Variants in TBXAS1 observed in about 807,000 individuals in gnomAD.
TBXAS1 encodes the protein thromboxane A synthase 1, also known as thromboxane-A synthase.
Under a neutral mutation model 60.7 loss-of-function variants are expected in TBXAS1, and 48 were observed. The observed-to-expected ratio is 0.79, with a 90% CI of 0.63 to 1.01. The LOEUF (loss-of-function observed/expected upper bound fraction) is 1.01. Among genes scored for constraint, TBXAS1 ranks in the 50% least tolerant of loss-of-function variants. The pLI, the probability that TBXAS1 is intolerant of heterozygous loss-of-function variation, is 0.00. For synonymous variants in TBXAS1, 287 were observed against 269.7 expected (o/e 1.06, Z -0.63); for missense variants, 685 against 686.3 (o/e 1.00, Z 0.02).
chr7:139,971,986 T>C (rs1284717953), intron 9 of TBXAS1, among the ~76,000 whole-genome samples: 1 of 152,100 alleles, frequency 6.6e-6, no homozygotes, highest in East Asian at 1.9e-4. Context: ...AGCCTGTAAG[T>C]GCACACAGCA....
In TBXAS1 at chr7:140,012,502, G is replaced by A. The variant is rs370086495; in HGVS notation, c.1227-3221G>A. 1.7e-4 allele frequency among the ~76,000 whole-genome samples: 25 copies of A among 149,084 alleles called. No homozygotes were observed. In the South Asian group the frequency reaches 4.7e-3, roughly 28 times the overall value. On this transcript the variant is annotated intron_variant, in intron 10 of 12. Transcript: ENST00000448866. Reference sequence around the variant, plus strand: ...TTTTGAGACGGAGTCTCGCTCTGTCGCTCAGGTGTACAGTGGTGCGATCTC... The same window carrying A: ...TTTTGAGACGGAGTCTCGCTCTGTCACTCAGGTGTACAGTGGTGCGATCTC...
Position 139,981,873 on chromosome 7 carries a change from AT to A in TBXAS1, c.1134+19647del, listed in dbSNP as rs555436370. 2.5e-3 allele frequency among the ~76,000 whole-genome samples: 379 copies of A among 152,304 alleles called. 3 individuals are homozygous for A. The highest frequency in any genetic ancestry group is 8.4e-3 in the African/African-American group (347 of 41,556). On this transcript the variant is annotated intron_variant, in intron 9 of 12. Transcript: ENST00000448866. ...AGAAAACTCTTATCAGAAAGATGTCATTTTTTTCCCCTAAATGTCATATATA... is the reference window on the plus strand; with the variant it reads ...AGAAAACTCTTATCAGAAAGATGTCATTTTTTCCCCTAAATGTCATATATA...
chr7:139,971,600 C>T (rs1811201467), intron 9 of TBXAS1, among the ~76,000 whole-genome samples: 3 of 152,108 alleles, frequency 2.0e-5, no homozygotes, highest in Admixed American at 6.5e-5. Context: ...CAAGACCTTC[C>T]TCTGCCCCTA....
intron 3 of TBXAS1, among the ~76,000 whole-genome samples, chr7:139,892,789 G>T (rs1277903106): frequency 6.6e-6 from 1 of 152,152 alleles, no homozygotes; most frequent in Non-Finnish European, 1.5e-5. Flanking sequence ...GCATCTTGGG[G>T]AGTCTGCCGA....
At chr7:139,877,324 C>T (rs982977865) in intron 3 of TBXAS1, among the ~76,000 whole-genome samples, 3 of 152,194 alleles carry the variant, frequency 2.0e-5, no homozygotes, top group South Asian at 2.1e-4. Flanking sequence ...TTGCTTTAAG[C>T]GTGATAGGTG....
intron 5 of TBXAS1, among the ~76,000 whole-genome samples, chr7:139,951,897 A>C (rs1424729276): frequency 3.3e-5 from 1 of 30,466 alleles, no homozygotes; most frequent in East Asian, 5.8e-4. Flanking sequence ...GAAGGAAGGA[A>C]GGAAAGAAAG....
intron 3 of TBXAS1, among the ~76,000 whole-genome samples, chr7:139,909,855 A>T (rs923255255): frequency 1.3e-5 from 2 of 152,206 alleles, no homozygotes; most frequent in Admixed American, 6.5e-5. Context: ...ACATGTCATT[A>T]CACAGTGGGC....
chr7:139,828,209 G>C (rs575685089), upstream of TBXAS1, among the ~76,000 whole-genome samples: 1 of 152,036 alleles, frequency 6.6e-6, no homozygotes, highest in Non-Finnish European at 1.5e-5. Flanking sequence ...TTGTTGAATT[G>C]GGTTAATTTG....
At chr7:139,855,267 T>C (rs1431538457) in intron 1 of TBXAS1, among the ~76,000 whole-genome samples, 4 of 152,146 alleles carry the variant, frequency 2.6e-5, no homozygotes, top group Non-Finnish European at 5.9e-5. Flanking sequence ...GAAAACAAAC[T>C]AAGACAGGTA....
chr7:139,807,014 A>G (rs1797895325), intron 4 of TBXAS1, among the ~76,000 whole-genome samples: 1 of 152,088 alleles, frequency 6.6e-6, no homozygotes, highest in African/African-American at 2.4e-5. Context: ...ACCTTTTCTC[A>G]TTGAATGTGC....
At chr7:139,862,277 C>G in intron 1 of TBXAS1, among the ~76,000 whole-genome samples, 1 of 152,084 alleles carries the variant, frequency 6.6e-6, no homozygotes, top group South Asian at 2.1e-4. Context: ...GGAAAGGAGC[C>G]AGCAAAGACA....
intron 4 of TBXAS1, among the ~76,000 whole-genome samples, chr7:139,817,841 G>T (rs1010751058): frequency 6.6e-6 from 1 of 152,168 alleles, no homozygotes; most frequent in Non-Finnish European, 1.5e-5. Flanking sequence ...AATGAGCCAG[G>T]TTCTTGGATT....
At chr7:139,993,775 T>C (rs1366752908) in intron 9 of TBXAS1, among the ~76,000 whole-genome samples, 2 of 152,190 alleles carry the variant, frequency 1.3e-5, no homozygotes, top group East Asian at 3.8e-4. Flanking sequence ...CCCCCTCCTT[T>C]GCTGTGCAGC....
chr7:139,843,634 T>C (rs6946849), intron 1 of TBXAS1, among the ~76,000 whole-genome samples: 95,568 of 152,098 alleles, frequency 0.63, 31,283 homozygotes, highest in East Asian at 0.92. Flanking sequence ...TGAGCCACAG[T>C]GCCCGGCCCA....
At chr7:139,976,565 C>T (rs1009562758) in intron 9 of TBXAS1, among the ~76,000 whole-genome samples, 3 of 152,310 alleles carry the variant, frequency 2.0e-5, no homozygotes, top group African/African-American at 4.8e-5. Context: ...CCTGTATATG[C>T]CTTCTCCTGT....
chr7:140,009,687 CCCA>C (rs1350982753), intron 10 of TBXAS1, among the ~76,000 whole-genome samples: 6 of 96,034 alleles, frequency 6.2e-5, no homozygotes, highest in African/African-American at 1.3e-4. Flanking sequence ...CCACACCCAC[CCCA>C]CACCTGCCCC....
intron 9 of TBXAS1, among the ~76,000 whole-genome samples, chr7:139,977,798 C>G (rs975921708): frequency 6.6e-6 from 1 of 152,144 alleles, no homozygotes; most frequent in Non-Finnish European, 1.5e-5. Flanking sequence ...ACCACCACCA[C>G]CATCGTAACA....
upstream of TBXAS1, among the ~76,000 whole-genome samples, chr7:139,824,349 C>T (rs1353765693): frequency 7.9e-5 from 12 of 152,136 alleles, no homozygotes; most frequent in Non-Finnish European, 1.5e-5. Context: ...GTAGCACTTA[C>T]CAGCATTTTG....
intron 4 of TBXAS1, among the ~76,000 whole-genome samples, chr7:139,924,128 T>C (rs751294555): frequency 1.1e-4 from 16 of 152,250 alleles, no homozygotes; most frequent in Non-Finnish European, 2.2e-4. Context: ...CTCTTTGATA[T>C]ACTGATTTCC....
Sources: gnomAD v4.1 joint callset for allele counts (sites outside exome capture counted in the v4.1 genomes callset) on GRCh38, gnomAD v4.1.1 for gene constraint, MANE v1.5 for transcripts, NCBI Gene and HGNC (gene_info 2026-07-23, HGNC 2026-07-21) for gene names.